The following NPAS3 variants were observed in gnomAD, a reference collection of about 807,000 sequenced individuals.
NPAS3 encodes neuronal PAS domain protein 3, also known as neuronal PAS domain-containing protein 3.
Under a neutral mutation model 73.1 loss-of-function variants are expected in NPAS3, and 14 were observed. The observed-to-expected ratio is 0.19, with a 90% confidence interval of 0.13 to 0.30. The LOEUF (loss-of-function observed/expected upper bound fraction) is 0.30. NPAS3 is among the 10% of genes least tolerant of loss of function. The pLI is 1.00. For synonymous variants in NPAS3, 620 were observed against 541.5 expected, an observed-to-expected ratio of 1.14 and a Z score of -2.01; for missense variants, 1,096 against 1,250.0, an observed-to-expected ratio of 0.88 and a Z score of 1.86.
At chr14:33,240,378 T>C (rs1251594636) in intron 3 of NPAS3, among the ~76,000 whole-genome samples, 1 of 151,774 alleles carries the variant, frequency 6.6e-6, no homozygotes, top group East Asian at 1.9e-4. Context: ...TCTTTTTCTT[T>C]TTAATATATT....
intron 6 of NPAS3, among the ~76,000 whole-genome samples, chr14:33,733,496 T>A (rs2140636727): frequency 6.6e-6 from 1 of 152,292 alleles, no homozygotes; most frequent in African/African-American, 2.4e-5. Flanking sequence ...ACTAATGAGC[T>A]CATTTAATTC....
At chr14:33,317,302 T>C (rs923522556) in intron 3 of NPAS3, among the ~76,000 whole-genome samples, 3 of 152,106 alleles carry the variant, frequency 2.0e-5, no homozygotes, top group Non-Finnish European at 4.4e-5. Context: ...CTGAGTGCTT[T>C]CGTGGTACTG....
chr14:33,535,215 A>G (rs905478441), intron 4 of NPAS3, among the ~76,000 whole-genome samples: 1 of 152,176 alleles, frequency 6.6e-6, no homozygotes, highest in African/African-American at 2.4e-5. Context: ...AGAAATCTGG[A>G]TGGGGACCTC....
intron 2 of NPAS3, among the ~76,000 whole-genome samples, chr14:33,099,581 G>T (rs1450745386): frequency 2.0e-5 from 3 of 152,116 alleles, no homozygotes; most frequent in African/African-American, 4.8e-5. Flanking sequence ...GGAATTACTC[G>T]ATATTAAATA....
At chr14:33,199,892 A>G (rs2046548293) in intron 2 of NPAS3, among the ~76,000 whole-genome samples, 1 of 152,048 alleles carries the variant, frequency 6.6e-6, no homozygotes, top group Non-Finnish European at 1.5e-5. Flanking sequence ...TCATCTTTCA[A>G]CACGTACTTA....
rs58411120 is a variant in NPAS3, at chr14:33,328,446, C to CTTTTTTTTTTTTTTTTTTTTTTT, written c.386-38724_386-38702dup. On this transcript the variant is annotated intron_variant, in intron 3 of 11. Coordinates refer to ENST00000356141, the Ensembl canonical transcript of NPAS3. The stretch of plus-strand genomic sequence containing the variant: ...TTTATCTTTCTTTTCCTTTTCTTTT[C>CTTTTTTTTTTTTTTTTTTTTTTT]TTTTTTTTTTTTTTTTTTTTTTTTT... Among the ~76,000 whole-genome samples, 2 of 49,598 alleles carry CTTTTTTTTTTTTTTTTTTTTTTT rather than the reference C, an allele frequency of 4.0e-5. 1 individual carries two copies. The allele number at this position is 49,598 out of a possible 152,430, so 32.5% of individuals were successfully genotyped here. A position where few individuals can be genotyped will look rare whatever the true frequency, so the allele number is the denominator to read the frequency against.
chr14:33,569,220 T>A (rs1427603512), intron 5 of NPAS3, among the ~76,000 whole-genome samples: 1 of 152,200 alleles, frequency 6.6e-6, no homozygotes, highest in African/African-American at 2.4e-5. Flanking sequence ...CTTTCTCTGA[T>A]GCTGTTAATT....
chr14:33,051,620 C>G (rs1005632369), intron 1 of NPAS3, among the ~76,000 whole-genome samples: 1 of 152,096 alleles, frequency 6.6e-6, no homozygotes, highest in Non-Finnish European at 1.5e-5. Context: ...TTCAGGGAGC[C>G]CTTGACCCTG....
At chr14:32,956,647 G>A (rs1257530523) in intron 1 of NPAS3, among the ~76,000 whole-genome samples, 1 of 152,052 alleles carries the variant, frequency 6.6e-6, no homozygotes, top group East Asian at 1.9e-4. Context: ...TTTATAATCT[G>A]TTGACACTGA....
intron 1 of NPAS3, among the ~76,000 whole-genome samples, chr14:33,052,127 C>G (rs1211476152): frequency 6.6e-6 from 1 of 152,124 alleles, no homozygotes; most frequent in Non-Finnish European, 1.5e-5. Context: ...AATTTCTCAT[C>G]TAATAGCCAT....
chr14:33,122,897 C>G (rs2383444), intron 2 of NPAS3, among the ~76,000 whole-genome samples: 2 of 151,870 alleles, frequency 1.3e-5, no homozygotes, highest in African/African-American at 2.4e-5. Context: ...TTATTGTGGA[C>G]GTTTTGATTA....
intron 1 of NPAS3, among the ~76,000 whole-genome samples, chr14:33,052,557 C>G (rs2040747368): frequency 6.6e-6 from 1 of 152,046 alleles, no homozygotes; most frequent in Non-Finnish European, 1.5e-5. Flanking sequence ...AAAATAAAAC[C>G]CTTTAAAAAC....
upstream of NPAS3, among the ~76,000 whole-genome samples, chr14:32,935,625 C>G (rs1225033711): frequency 6.6e-6 from 1 of 152,172 alleles, no homozygotes; most frequent in African/African-American, 2.4e-5. Flanking sequence ...GCAAATTTTA[C>G]AAAGTCAGGC....
At chr14:33,066,380 T>G (rs995699052) in intron 2 of NPAS3, among the ~76,000 whole-genome samples, 1 of 152,232 alleles carries the variant, frequency 6.6e-6, no homozygotes, top group Non-Finnish European at 1.5e-5. Flanking sequence ...CCCTCTGTTC[T>G]GAATGCTGCT....
At chr14:33,108,890 A>G (rs1280712189) in intron 2 of NPAS3, among the ~76,000 whole-genome samples, 2 of 152,140 alleles carry the variant, frequency 1.3e-5, no homozygotes, top group African/African-American at 2.4e-5. Flanking sequence ...ATTGAAATAT[A>G]AAGTGCGTTT....
At chr14:33,792,185 A>T (rs2063377140) in intron 9 of NPAS3, among the ~76,000 whole-genome samples, 1 of 152,312 alleles carries the variant, frequency 6.6e-6, no homozygotes, top group South Asian at 2.1e-4. Context: ...GAATGGCAGA[A>T]CTTACAATTG....
chr14:32,985,693 C>G (rs1484151357), intron 1 of NPAS3, among the ~76,000 whole-genome samples: 3 of 151,900 alleles, frequency 2.0e-5, no homozygotes, highest in African/African-American at 7.3e-5. Flanking sequence ...GAAAAGAAAG[C>G]AGAAAAAAAG....
At chr14:33,747,001 T>G (rs1391609559) in intron 7 of NPAS3, among the ~76,000 whole-genome samples, 1 of 151,890 alleles carries the variant, frequency 6.6e-6, no homozygotes, top group African/African-American at 2.4e-5. Context: ...AGTGTTTGGT[T>G]TTTTGTTCCA....
At chr14:33,454,291 T>C (rs771606571) in intron 4 of NPAS3, among the ~76,000 whole-genome samples, 1 of 152,212 alleles carries the variant, frequency 6.6e-6, no homozygotes, top group Non-Finnish European at 1.5e-5. Flanking sequence ...TTTTAAAAGA[T>C]AGAAAATGTG....
Sources: gnomAD v4.1 joint callset for allele counts (sites outside exome capture counted in the v4.1 genomes callset) on GRCh38, gnomAD v4.1.1 for gene constraint, MANE v1.5 for transcripts, NCBI Gene and HGNC (gene_info 2026-07-23, HGNC 2026-07-21) for gene names.